Variants in PSMA6 observed in about 807,000 individuals in gnomAD.
PSMA6 encodes the protein proteasome subunit alpha type-6.
For missense variants in PSMA6, 170 were observed against 294.8 expected, an observed-to-expected ratio of 0.58 and a Z score of 3.10; for synonymous variants, 88 against 97.7, an observed-to-expected ratio of 0.90 and a Z score of 0.59.
chr14:35,298,941 C>A (rs562733202), intron 1 of PSMA6, among the ~76,000 whole-genome samples: 2 of 151,970 alleles, frequency 1.3e-5, no homozygotes, highest in African/African-American at 4.8e-5. Flanking sequence ...ACCATGTTGG[C>A]CAGGCTGGTC....
chr14:35,314,984 T>TGTGTGTGTGTGTGTGTG (rs1566564621), intron 6 of PSMA6: 1 of 151,722 alleles, frequency 6.6e-6, no homozygotes, highest in African/African-American at 2.4e-5. Context: ...TGTGTGTGTG[T>TGTGTGTGTGTGTGTGTG]TCTTACTCAC....
At chr14:35,314,597 T>A in intron 6 of PSMA6, 142 bp downstream of exon 6, 2 of 1,126,448 alleles carry the variant, frequency 1.8e-6, no homozygotes, top group Non-Finnish European at 2.3e-6. Context: ...CCCCAGCACC[T>A]GAGATCTGTT....
At chr14:35,282,817 T>C (rs1055694970) in intron 1 of PSMA6, among the ~76,000 whole-genome samples, 2 of 151,338 alleles carry the variant, frequency 1.3e-5, no homozygotes, top group Non-Finnish European at 2.9e-5. Flanking sequence ...ATCGAGCCAC[T>C]GCACTCCAGC....
At chr14:35,283,705 A>C (rs991602082) in intron 1 of PSMA6, among the ~76,000 whole-genome samples, 26 of 151,834 alleles carry the variant, frequency 1.7e-4, no homozygotes, top group African/African-American at 6.3e-4. Flanking sequence ...GCTGGCACAC[A>C]CCCTATAAGG....
intron 1 of PSMA6, among the ~76,000 whole-genome samples, chr14:35,285,358 A>AC (rs1555335404): frequency 3.3e-5 from 5 of 150,498 alleles, no homozygotes; most frequent in African/African-American, 9.8e-5. Flanking sequence ...CAAAAAACAA[A>AC]AAAAAAAACC....
chr14:35,296,415 C>T (rs911340670), intron 1 of PSMA6, among the ~76,000 whole-genome samples: 2 of 152,186 alleles, frequency 1.3e-5, no homozygotes, highest in African/African-American at 4.8e-5. Flanking sequence ...ACTGCAACCT[C>T]TGCCTTCTGG....
intron 1 of PSMA6, chr14:35,293,002 AC>A: frequency 2.2e-6 from 1 of 458,514 alleles, no homozygotes. Context: ...CCTGCTATAT[AC>A]CAGACACTGC....
At chr14:35,306,368 G>A (rs2051827087) in intron 1 of PSMA6, among the ~76,000 whole-genome samples, 1 of 152,046 alleles carries the variant, frequency 6.6e-6, no homozygotes, top group Non-Finnish European at 1.5e-5. Flanking sequence ...ACCAGCCTGG[G>A]CAAGATAGTG....
Position 35,295,500 on chromosome 14 carries a change from G to C in PSMA6, c.76+2948G>C, listed in dbSNP as rs188837581. Reference sequence around the variant, plus strand: ...GAGTTGCGCTCTTGTTGCCCAGGCTGGAGTGCAATGGCCGTGATCTCAGCT... The same window carrying C: ...GAGTTGCGCTCTTGTTGCCCAGGCTCGAGTGCAATGGCCGTGATCTCAGCT... On this transcript the variant is annotated intron_variant, in intron 1 of 6. Transcript: ENST00000261479. Among the ~76,000 whole-genome samples the C allele has an allele frequency of 2.9e-3, 435 of 149,914 alleles. 1 individual carries two copies. Among genetic ancestry groups the C allele is most frequent in the Middle Eastern group, 6.9e-3 (2 of 288 alleles).
chr14:35,310,867 G>C lies in PSMA6; in HGVS notation c.381G>C (p.Gln127His). Reference protein sequence around the residue: ...RIADISQVYTQNAEMRPLGCC... With the variant: ...RIADISQVYTHNAEMRPLGCC... ...CCGATATTTCTCAGGTCTACACACA[G>C]AATGCTGAAATGAGGCCTCTTGGTT... The change falls in exon 4 of 7, where the codon CAG becomes CAC. Residue 127 changes from glutamine to histidine, a missense_variant. Physicochemically the swap from Gln to His is conservative, Grantham distance 24. Transcript: ENST00000261479. The C allele has an allele frequency of 1.9e-6, 3 of 1,613,978 alleles. No individual in the cohort carries two copies. The highest frequency in any genetic ancestry group is 1.7e-6 in the Non-Finnish European group (2 of 1,179,912).
intron 1 of PSMA6, among the ~76,000 whole-genome samples, chr14:35,305,005 T>C (rs995810325): frequency 1.3e-5 from 2 of 152,108 alleles, no homozygotes; most frequent in African/African-American, 4.8e-5. Context: ...AATCAGAAGT[T>C]TGAGGCTGTG....
At position 35,310,802 on chromosome 14, in the gene PSMA6, G is replaced by A. The variant is rs1439260832; in HGVS notation, c.316G>A (p.Gly106Ser). ...GGCAGCTAACTGGAAATACAAGTAT[G>A]GCTATGAGATTCCTGTGGACATGCT... Reference protein sequence around the residue: ...YEAANWKYKYGYEIPVDMLCK... With the variant: ...YEAANWKYKYSYEIPVDMLCK... The change falls in exon 4 of 7, where the codon GGC becomes AGC. Residue 106 changes from glycine to serine, a missense_variant. By Grantham distance (56) the Gly-to-Ser change is moderately conservative. Transcript: ENST00000261479. 3 of 1,613,096 alleles carry A rather than the reference G, an allele frequency of 1.9e-6. No homozygotes were observed. Among genetic ancestry groups the A allele is most frequent in the Non-Finnish European group, 2.5e-6 (3 of 1,179,754 alleles).
At chr14:35,285,368 C>CAAAT (rs2051412455) in intron 1 of PSMA6, among the ~76,000 whole-genome samples, 1 of 126,220 alleles carries the variant, frequency 7.9e-6, no homozygotes, top group African/African-American at 2.8e-5. Context: ...AAAAAAAAAC[C>CAAAT]GTAGCACACT....
At chr14:35,295,922 T>G (rs1162224273) in intron 1 of PSMA6, among the ~76,000 whole-genome samples, 1 of 152,166 alleles carries the variant, frequency 6.6e-6, no homozygotes, top group African/African-American at 2.4e-5. Flanking sequence ...GTTGGCCAAA[T>G]TCAGCCTGGC....
upstream of PSMA6, among the ~76,000 whole-genome samples, chr14:35,290,715 A>G (rs1158723494): frequency 3.9e-5 from 6 of 152,200 alleles, no homozygotes; most frequent in Admixed American, 3.9e-4. Context: ...TACACAAACC[A>G]TCTTTATCTG....
In PSMA6 at chr14:35,316,431, A is replaced by C. The variant is rs182293542; in HGVS notation, c.684-818A>C. On this transcript the variant is annotated intron_variant, in intron 6 of 6. Transcript: ENST00000261479. ...GAAAGGAAATATATGTTCAACATGGAGCACTCTCTGGCTGGTAGACTATTC... is the reference window on the plus strand; with the variant it reads ...GAAAGGAAATATATGTTCAACATGGCGCACTCTCTGGCTGGTAGACTATTC... 7.9e-5 allele frequency: 12 copies of C among 151,770 alleles called. No homozygotes were observed. In the East Asian group the frequency reaches 2.3e-3, roughly 29 times the overall value. 9.4% of individuals were successfully genotyped at this position (151,770 alleles called of 1,614,324 possible).
intron 1 of PSMA6, among the ~76,000 whole-genome samples, chr14:35,286,571 A>G (rs1004934197): frequency 2.7e-5 from 4 of 148,736 alleles, no homozygotes; most frequent in Non-Finnish European, 1.5e-5. Flanking sequence ...TACTGAAGTT[A>G]TTATAGCTAA....
At chr14:35,300,979 C>G (rs778733794) in intron 1 of PSMA6, among the ~76,000 whole-genome samples, 1 of 152,142 alleles carries the variant, frequency 6.6e-6, no homozygotes, top group Non-Finnish European at 1.5e-5. Context: ...AAGAAATAGA[C>G]ATTTGTAATT....
At chr14:35,312,788 C>A in intron 4 of PSMA6, 93 bp from the exon 5 acceptor site, 1 of 1,169,646 alleles carries the variant, frequency 8.5e-7, no homozygotes, top group Non-Finnish European at 1.2e-6. Context: ...TGGCCAAAGT[C>A]ATGATTAGCA....
Sources: allele counts gnomAD v4.1 joint callset (sites outside exome capture counted in the v4.1 genomes callset), GRCh38; gene constraint gnomAD v4.1.1; transcripts MANE v1.5; gene names NCBI Gene and HGNC (gene_info 2026-07-23, HGNC 2026-07-21).